Variants in PNPT1 observed in about 807,000 individuals in gnomAD.
PNPT1 encodes polyribonucleotide nucleotidyltransferase 1, also known as polyribonucleotide nucleotidyltransferase 1, mitochondrial.
In PNPT1, 53 loss-of-function variants were observed where a neutral mutation model predicts 119.5. That is an observed-to-expected ratio of 0.44 (90% CI 0.36 to 0.56). The LOEUF (loss-of-function observed/expected upper bound fraction) is 0.56, where lower values mean the gene tolerates loss of function less well. Among genes scored for constraint, PNPT1 ranks in the 20% least tolerant of loss-of-function variants. PNPT1 has a pLI of 0.00. For missense variants in PNPT1, 948 were observed against 938.5 expected (o/e 1.01, Z -0.13); for synonymous variants, 357 against 322.1 (o/e 1.11, Z -1.16).
rs193009343 is a variant in PNPT1 at position 55,677,827 on chromosome 2, C to A, written c.679+1855G>T. ...TGATCTCGGCTCACTGCAAGCTCTG[C>A]CTCCCGGGTTCACGCCATTCTCCTG... On this transcript the variant is annotated intron_variant, in intron 8 of 27. Transcript: ENST00000447944. 6.3e-3 allele frequency among the ~76,000 whole-genome samples: 952 copies of A among 150,944 alleles called. 5 individuals are homozygous for A. The highest frequency in any genetic ancestry group is 0.021 in the African/African-American group (844 of 41,138).
In PNPT1 at chr2:55,667,085, C is replaced by T. The variant is rs1321833311; in HGVS notation, c.1082G>A (p.Gly361Asp). ...IVLNEYKRCDGRDLTSLRNVS... is the reference protein window; with the variant it reads ...IVLNEYKRCDDRDLTSLRNVS... Reference sequence around the variant, plus strand: ...ATTCCTAAGTGAAGTCAAATCCCGACCATCGCACCTATAGTGATATAGGAA... The same window carrying T: ...ATTCCTAAGTGAAGTCAAATCCCGATCATCGCACCTATAGTGATATAGGAA... The change falls in exon 13 of 28, where the codon GGT becomes GAT. Residue 361 changes from glycine to aspartate, a missense_variant. Coordinates refer to ENST00000447944, the MANE Select transcript of PNPT1 (RefSeq NM_033109.5). 1.2e-6 allele frequency: 2 copies of T among 1,611,100 alleles called. No individual in the cohort carries two copies. Among genetic ancestry groups the T allele is most frequent in the African/African-American group, 2.7e-5 (2 of 74,746 alleles).
intron 19 of PNPT1, 26 bp downstream of exon 19, chr2:55,647,321 A>C (rs1285718486): frequency 1.3e-6 from 2 of 1,505,730 alleles, no homozygotes; most frequent in Non-Finnish European, 1.8e-6. Context: ...TCATTATTAA[A>C]TATTTGAAAC....
chr2:55,668,818 T>G (rs1696818371), intron 11 of PNPT1, among the ~76,000 whole-genome samples: 1 of 151,900 alleles, frequency 6.6e-6, no homozygotes, highest in Non-Finnish European at 1.5e-5. Context: ...CAGGCTGGGC[T>G]CGAACTCCTG....
At chr2:55,668,281 GGCTGGAGT>G (rs1308163779) in intron 11 of PNPT1, among the ~76,000 whole-genome samples, 2 of 152,196 alleles carry the variant, frequency 1.3e-5, no homozygotes, top group African/African-American at 4.8e-5. Flanking sequence ...CTGTTGTCCA[GGCTGGAGT>G]GCAACGCCGC....
chr2:55,657,254 A>C (rs545878298), intron 15 of PNPT1, among the ~76,000 whole-genome samples: 2 of 151,956 alleles, frequency 1.3e-5, no homozygotes, highest in South Asian at 4.2e-4. Context: ...GCTTGAACCC[A>C]GGAGGTGGAG....
In PNPT1 at chr2:55,635,720, C is replaced by G. The variant is rs1176430431; in HGVS notation, c.*517G>C. 1.3e-5 allele frequency: 2 copies of G among 152,192 alleles called. No homozygotes were observed. The highest frequency in any genetic ancestry group is 2.9e-5 in the Non-Finnish European group (2 of 68,058). The allele number at this position is 152,192 out of a possible 1,614,324, so 9.4% of individuals were successfully genotyped here. A position where few individuals can be genotyped will look rare whatever the true frequency, so the allele number is the denominator to read the frequency against. On this transcript the variant is annotated 3_prime_UTR_variant, in exon 28 of 28. Transcript: ENST00000447944. ...TATTATCAAAAGTGTATCAGATTAG[C>G]TCCCTCAACTCACTATATCTGTTAA...
In PNPT1 at chr2:55,636,225, T is replaced by C; in HGVS notation, c.*12A>G. On this transcript the variant is annotated 3_prime_UTR_variant, in exon 28 of 28. Transcript: ENST00000447944. ...CAAAATAGAATTCTAGAATTCTCTT[T>C]AAAAAAAAAAATCACTGAGAATTAG... The C allele has an allele frequency of 7.3e-7, 1 of 1,364,814 alleles. No individual in the cohort carries two copies. The allele number at this position is 1,364,814 out of a possible 1,614,324, so 84.5% of individuals were successfully genotyped here.
intron 1 of PNPT1, among the ~76,000 whole-genome samples, 193 bp downstream of exon 1, chr2:55,693,470 C>T (rs1278640033): frequency 6.6e-6 from 1 of 152,060 alleles, no homozygotes; most frequent in African/African-American, 2.4e-5. Context: ...ACAGAGAGAA[C>T]GACATAGCGC....
Position 55,683,799 on chromosome 2 carries a change from A to C in PNPT1, c.439T>G (p.Phe147Val). ...SIRPLFPAGY[F>V]YDTQVLCNLL... ...GCAGAATCTACCTGTGTATCATAGAAGTAGCCAGCTGGAAAGAGCGGTCTA... is the reference window on the plus strand; with the variant it reads ...GCAGAATCTACCTGTGTATCATAGACGTAGCCAGCTGGAAAGAGCGGTCTA... The change falls in exon 5 of 28, where the codon TTC (phenylalanine) becomes GTC (valine). Residue 147 changes from phenylalanine (F) to valine (V), a missense_variant. Physicochemically the swap from Phe to Val is conservative, Grantham distance 50. Coordinates refer to ENST00000447944, the MANE Select transcript of PNPT1 (RefSeq NM_033109.5). 6.2e-7 allele frequency: 1 copy of C among 1,613,658 alleles called. No individual in the cohort carries two copies. The highest frequency in any genetic ancestry group is 8.5e-7 in the Non-Finnish European group (1 of 1,179,704).
intron 17 of PNPT1, among the ~76,000 whole-genome samples, chr2:55,655,265 G>T (rs1311448734): frequency 6.6e-6 from 1 of 151,898 alleles, no homozygotes; most frequent in African/African-American, 2.4e-5. Context: ...ATTATTTTTT[G>T]AGATGGAGTC....
chr2:55,677,534 C>A (rs1300322179), intron 8 of PNPT1, among the ~76,000 whole-genome samples: 1 of 127,202 alleles, frequency 7.9e-6, no homozygotes, highest in African/African-American at 3.0e-5. Context: ...GCGGAGGTTG[C>A]AGTGAGCTGA....
intron 1 of PNPT1, among the ~76,000 whole-genome samples, chr2:55,691,465 T>C (rs1697597532): frequency 6.6e-6 from 1 of 152,196 alleles, no homozygotes; most frequent in Non-Finnish European, 1.5e-5. Context: ...AAAGAATTTA[T>C]CCAGCAGGTA....
chr2:55,673,829 T>C (rs1053628213), intron 8 of PNPT1, among the ~76,000 whole-genome samples: 1 of 152,212 alleles, frequency 6.6e-6, no homozygotes, highest in African/African-American at 2.4e-5. Flanking sequence ...TTAGGTGATC[T>C]GCCTGCCTTG....
chr2:55,667,763 C>T, intron 12 of PNPT1, 99 bp downstream of exon 12: 10 of 1,447,552 alleles, frequency 6.9e-6, no homozygotes, highest in Non-Finnish European at 9.2e-6. Context: ...TTACTGTTCA[C>T]TTGAAAAAAA....
rs987861213 is a variant in PNPT1 at position 55,680,580 on chromosome 2, T to C, written c.565+132A>G. On this transcript the variant is annotated intron_variant, in intron 7 of 27. Coordinates refer to ENST00000447944, the MANE Select transcript of PNPT1 (RefSeq NM_033109.5). Reference sequence around the variant, plus strand: ...TGTCTGAAAGACCTGAAAGGAGACTTAGAACGTCATCTAGTTCAATTCATG... The same window carrying C: ...TGTCTGAAAGACCTGAAAGGAGACTCAGAACGTCATCTAGTTCAATTCATG... 7 of 829,134 alleles carry C rather than the reference T, an allele frequency of 8.4e-6. No individual in the cohort carries two copies. The East Asian group carries it at 1.8e-4, about 21-fold the overall frequency. 51.4% of individuals were successfully genotyped at this position (829,134 alleles called of 1,614,324 possible).
intron 13 of PNPT1, among the ~76,000 whole-genome samples, chr2:55,663,921 G>A (rs901709039): frequency 2.6e-5 from 4 of 151,366 alleles, no homozygotes; most frequent in South Asian, 2.1e-4. Flanking sequence ...CCCAGGAGGC[G>A]GAGCTTGCCG....
At chr2:55,666,587 C>A (rs1696740959) in intron 13 of PNPT1, among the ~76,000 whole-genome samples, 1 of 152,176 alleles carries the variant, frequency 6.6e-6, no homozygotes, top group East Asian at 1.9e-4. Context: ...ATGCCTGTAT[C>A]CCAGAACACC....
At chr2:55,677,075 T>C (rs955480632) in intron 8 of PNPT1, among the ~76,000 whole-genome samples, 1 of 152,172 alleles carries the variant, frequency 6.6e-6, no homozygotes, top group Non-Finnish European at 1.5e-5. Flanking sequence ...AATAGCTGCA[T>C]GGAAATAGTG....
chr2:55,680,607 A>G, intron 7 of PNPT1, 105 bp downstream of exon 7: 1 of 1,020,158 alleles, frequency 9.8e-7, no homozygotes, highest in Non-Finnish European at 1.5e-6. Flanking sequence ...CAATTCATGA[A>G]GAGGTAATAA....
Sources: allele counts gnomAD v4.1 joint callset (sites outside exome capture counted in the v4.1 genomes callset), GRCh38; gene constraint gnomAD v4.1.1; transcripts MANE v1.5; gene names NCBI Gene and HGNC (gene_info 2026-07-23, HGNC 2026-07-21).